Variants in CCDC30 observed in about 807,000 individuals in gnomAD.
The protein encoded by CCDC30 is coiled-coil domain containing 30.
A neutral mutation model predicts 100.2 loss-of-function variants in CCDC30; 70 were observed. That is an observed-to-expected ratio of 0.70 (90% confidence interval 0.58 to 0.85). The LOEUF is 0.85. Among genes scored for constraint, CCDC30 ranks in the 40% least tolerant of loss-of-function variants. The pLI is 0.00. For missense variants in CCDC30, 652 were observed against 771.2 expected (o/e 0.85, Z 1.83); for synonymous variants, 233 against 269.5 (o/e 0.86, Z 1.33).
intron 11 of CCDC30, among the ~76,000 whole-genome samples, chr1:42,622,609 G>A (rs552330948): frequency 6.6e-6 from 1 of 151,704 alleles, no homozygotes; most frequent in South Asian, 2.1e-4. Context: ...TGGGATTACA[G>A]GCGTACTTAT....
intron 6 of CCDC30, among the ~76,000 whole-genome samples, chr1:42,500,835 T>G (rs964499908): frequency 1.3e-5 from 2 of 152,180 alleles, no homozygotes; most frequent in African/African-American, 4.8e-5. Flanking sequence ...GAAGTGATTC[T>G]CCATCTTTGG....
At chr1:42,644,430 C>T (rs748108706) in intron 13 of CCDC30, among the ~76,000 whole-genome samples, 1 of 152,182 alleles carries the variant, frequency 6.6e-6, no homozygotes, top group Non-Finnish European at 1.5e-5. Context: ...CAGCCCACGA[C>T]TCAAATGTTA....
chr1:42,513,466 A>G (rs11807592), intron 6 of CCDC30, among the ~76,000 whole-genome samples: 179 of 152,142 alleles, frequency 1.2e-3, no homozygotes, highest in African/African-American at 4.0e-3. Context: ...CTTACTGTAT[A>G]TGTGGCTGGC....
chr1:42,634,263 A>C (rs543033721), intron 11 of CCDC30, among the ~76,000 whole-genome samples: 6 of 150,016 alleles, frequency 4.0e-5, no homozygotes, highest in South Asian at 2.1e-4. Flanking sequence ...AAAAAAAAAA[A>C]AAAAAAAAAA....
the CCDC30 span, chr1:42,456,456 G>C: frequency 8.7e-7 from 1 of 1,155,524 alleles, no homozygotes; most frequent in Non-Finnish European, 1.2e-6. Flanking sequence ...GTCAAAAGAA[G>C]GGTAGTGAAC....
intron 6 of CCDC30, among the ~76,000 whole-genome samples, chr1:42,532,272 G>A (rs1644817716): frequency 1.3e-5 from 2 of 152,204 alleles, no homozygotes; most frequent in Non-Finnish European, 2.9e-5. Context: ...TGGGAACTCT[G>A]TAAAGGGCTT....
exon 4 of CCDC30, chr1:42,490,224 A>C (rs1260739547): frequency 5.7e-5 from 68 of 1,196,134 alleles, no homozygotes; most frequent in Non-Finnish European, 7.1e-5. Context: ...AAGCTGAAAG[A>C]AAATGGTAAG....
intron 4 of CCDC30, among the ~76,000 whole-genome samples, chr1:42,493,784 A>ATTATGAATAACT (rs778609162): frequency 1.2e-3 from 188 of 152,368 alleles, no homozygotes; most frequent in Non-Finnish European, 1.8e-3. Context: ...ATACAGGAAT[A>ATTATGAATAACT]TTATGAATAA....
chr1:42,646,051 T>C, intron 14 of CCDC30, 84 bp from the exon 19 acceptor site: 1 of 1,475,688 alleles, frequency 6.8e-7, no homozygotes, highest in African/African-American at 1.4e-5. Flanking sequence ...TCAAACTCAA[T>C]ATTCCGTATG....
At chr1:42,654,202 T>C, downstream of CCDC30, 1 of 602,130 alleles carries the variant, frequency 1.7e-6, no homozygotes, top group South Asian at 2.1e-5. Flanking sequence ...TTCTCAAGTT[T>C]GTTTGATATC....
intron 11 of CCDC30, among the ~76,000 whole-genome samples, chr1:42,635,636 C>T (rs1354982257): frequency 1.3e-5 from 2 of 151,824 alleles, no homozygotes; most frequent in East Asian, 2.0e-4. Flanking sequence ...GGTGAAACCC[C>T]GTCTCTACTA....
At chr1:42,534,106 A>G (rs182726239) in intron 6 of CCDC30, among the ~76,000 whole-genome samples, 4 of 152,340 alleles carry the variant, frequency 2.6e-5, no homozygotes, top group African/African-American at 9.6e-5. Flanking sequence ...ACTATATTCA[A>G]TGTGCCACGT....
chr1:42,554,194 T>C (rs191939377), intron 6 of CCDC30, among the ~76,000 whole-genome samples: 1 of 152,246 alleles, frequency 6.6e-6, no homozygotes, highest in African/African-American at 2.4e-5. Flanking sequence ...TACAGTCATC[T>C]TTTTTCTTCT....
intron 9 of CCDC30, among the ~76,000 whole-genome samples, chr1:42,585,604 T>C (rs1450101330): frequency 1.3e-5 from 2 of 152,106 alleles, no homozygotes; most frequent in Non-Finnish European, 2.9e-5. Flanking sequence ...ATAATGTTCT[T>C]CTTTCTCTAG....
chr1:42,500,257 G>A, intron 6 of CCDC30: 4 of 1,609,870 alleles, frequency 2.5e-6, no homozygotes, highest in East Asian at 2.2e-5. Context: ...GGAAGGCAGT[G>A]GATTTTTCTC....
chr1:42,526,018 T>G (rs988124682), intron 6 of CCDC30, among the ~76,000 whole-genome samples: 1 of 152,208 alleles, frequency 6.6e-6, no homozygotes, highest in African/African-American at 2.4e-5. Context: ...CTTTTCTCTG[T>G]GTGGCTCCCT....
intron 11 of CCDC30, among the ~76,000 whole-genome samples, chr1:42,614,983 A>G (rs1033551862): frequency 5.3e-5 from 8 of 152,188 alleles, no homozygotes; most frequent in African/African-American, 1.2e-4. Context: ...TTGTTGCCCA[A>G]TGCACACAGC....
chr1:42,643,905 G>A (rs545835670), intron 13 of CCDC30, among the ~76,000 whole-genome samples: 1 of 152,276 alleles, frequency 6.6e-6, no homozygotes, highest in African/African-American at 2.4e-5. Context: ...CCAGATGCAA[G>A]CTATGTAGCT....
At chr1:42,602,222 AAAG>A (rs1646417670) in intron 10 of CCDC30, among the ~76,000 whole-genome samples, 3 of 152,128 alleles carry the variant, frequency 2.0e-5, no homozygotes, top group South Asian at 4.1e-4. Flanking sequence ...GCTGAAAAAA[AAAG>A]AAATAATAAA....
Sources: allele counts gnomAD v4.1 joint callset (sites outside exome capture counted in the v4.1 genomes callset), GRCh38; gene constraint gnomAD v4.1.1; transcripts MANE v1.5; gene names NCBI Gene and HGNC (gene_info 2026-07-23, HGNC 2026-07-21).